The following PCDHA6 variants were observed in gnomAD, a reference collection of about 807,000 sequenced individuals.
PCDHA6 encodes protocadherin alpha-6.
In PCDHA6, 55 loss-of-function variants were observed where a neutral mutation model predicts 60.3. That is an observed-to-expected ratio of 0.91 (90% CI 0.73 to 1.14). PCDHA6 has a LOEUF of 1.14. Ranked by LOEUF, PCDHA6 falls within the 50% of genes most tolerant of loss-of-function variation. The pLI is 0.00. For synonymous variants in PCDHA6, 652 were observed against 557.9 expected, an observed-to-expected ratio of 1.17 and a Z score of -2.38; for missense variants, 1,327 against 1,256.5, an observed-to-expected ratio of 1.06 and a Z score of -0.85.
intron 1 of PCDHA6, among the ~76,000 whole-genome samples, chr5:140,902,660 C>A (rs1322922634): frequency 1.3e-5 from 2 of 152,116 alleles, no homozygotes; most frequent in Non-Finnish European, 2.9e-5. Flanking sequence ...GCACCTGTCA[C>A]CCAAGCAGTG....
intron 1 of PCDHA6, chr5:140,843,225 G>T: frequency 6.3e-7 from 1 of 1,596,120 alleles, no homozygotes; most frequent in East Asian, 2.2e-5. Flanking sequence ...AGCACCACTC[G>T]TGTCCTGGAC....
At position 140,992,156 on chromosome 5, in the gene PCDHA6, A is replaced by G. The variant is rs79603129; in HGVS notation, c.2542+9593A>G. On this transcript the variant is annotated intron_variant, in intron 3 of 3. Coordinates refer to ENST00000529310, the MANE Select transcript of PCDHA6 (RefSeq NM_018909.4). ...TGATGATGCTAACTTTGCTCAATCA[A>G]GAAGTGTGATCCATTTAAATCATGC... Among the ~76,000 whole-genome samples the G allele has an allele frequency of 2.1e-3, 313 of 152,232 alleles. 2 individuals carry two copies. The highest frequency in any genetic ancestry group is 3.8e-3 in the Non-Finnish European group (258 of 67,998).
At chr5:140,877,093 G>C in intron 1 of PCDHA6, 1 of 1,613,296 alleles carries the variant, frequency 6.2e-7, no homozygotes, top group Non-Finnish European at 8.5e-7. Context: ...GCGCGACGCC[G>C]GCGTGCCGCC....
At chr5:140,901,667 A>G (rs1319008143) in intron 1 of PCDHA6, among the ~76,000 whole-genome samples, 1 of 151,994 alleles carries the variant, frequency 6.6e-6, no homozygotes, top group Non-Finnish European at 1.5e-5. Context: ...TGCTCAAGAT[A>G]CCTTTAGGTA....
chr5:140,955,049 G>T (rs2095130069), intron 1 of PCDHA6, among the ~76,000 whole-genome samples: 1 of 152,130 alleles, frequency 6.6e-6, no homozygotes, highest in Admixed American at 6.6e-5. Context: ...CTCATTGCTT[G>T]TTTTTGTCAG....
chr5:140,881,757 A>G (rs1238055344), intron 1 of PCDHA6, among the ~76,000 whole-genome samples: 1 of 152,166 alleles, frequency 6.6e-6, no homozygotes, highest in Non-Finnish European at 1.5e-5. Flanking sequence ...TACCACAAAA[A>G]CCTACATGAC....
At chr5:140,939,766 C>T (rs58911992) in intron 1 of PCDHA6, among the ~76,000 whole-genome samples, 27,055 of 152,058 alleles carry the variant, frequency 0.18, 2,673 homozygotes, top group African/African-American at 0.26. Context: ...TATAGTATTT[C>T]AGGGTGTGAA....
intron 1 of PCDHA6, among the ~76,000 whole-genome samples, chr5:140,878,691 A>G (rs2057689901): frequency 6.6e-6 from 1 of 152,168 alleles, no homozygotes; most frequent in Non-Finnish European, 1.5e-5. Context: ...AGTCTTACAT[A>G]CCCCAGCCTG....
chr5:140,985,929 CG>C (rs2097179106), intron 3 of PCDHA6, among the ~76,000 whole-genome samples: 1 of 151,796 alleles, frequency 6.6e-6, no homozygotes, highest in Non-Finnish European at 1.5e-5. Flanking sequence ...TTAGTAGAGC[CG>C]GGGTTTCACT....
intron 1 of PCDHA6, chr5:140,848,888 A>C: frequency 6.4e-7 from 1 of 1,564,652 alleles, no homozygotes; most frequent in South Asian, 1.1e-5. Flanking sequence ...ACAACCCTCC[A>C]GTGTTCCCAG....
intron 3 of PCDHA6, chr5:140,988,926 A>C (rs562175503): frequency 6.6e-6 from 1 of 152,238 alleles, no homozygotes; most frequent in Non-Finnish European, 1.5e-5. Flanking sequence ...ATAGAACAAC[A>C]CTGTTCTCTT....
chr5:141,011,553 G>T lies in PCDHA6; in HGVS notation c.*1616G>T, dbSNP rs1191049531. The T allele has an allele frequency of 6.5e-6, 1 of 153,640 alleles. No homozygotes were observed. The highest frequency in any genetic ancestry group is 1.5e-5 in the Non-Finnish European group (1 of 68,008). The allele number at this position is 153,640 out of a possible 1,614,324, so 9.5% of individuals were successfully genotyped here. Reference sequence around the variant, plus strand: ...TGTTAATCAGCTTTTGTGTATGAAAGACACAGTAAAATTTCTTTCTTAAAT... The same window carrying T: ...TGTTAATCAGCTTTTGTGTATGAAATACACAGTAAAATTTCTTTCTTAAAT... On this transcript the variant is annotated 3_prime_UTR_variant, in exon 4 of 4. Transcript: ENST00000529310.
At chr5:140,977,703 A>G (rs1407162368) in intron 1 of PCDHA6, among the ~76,000 whole-genome samples, 1 of 152,192 alleles carries the variant, frequency 6.6e-6, no homozygotes, top group Non-Finnish European at 1.5e-5. Context: ...ATCTGTCTGA[A>G]TATTGAGATG....
At chr5:140,895,389 C>T (rs553681530) in intron 1 of PCDHA6, among the ~76,000 whole-genome samples, 1 of 152,098 alleles carries the variant, frequency 6.6e-6, no homozygotes, top group South Asian at 2.1e-4. Context: ...CTTCAATTCT[C>T]AACACCATCA....
At chr5:140,926,549 C>A in intron 1 of PCDHA6, 1 of 231,836 alleles carries the variant, frequency 4.3e-6, no homozygotes, top group Non-Finnish European at 8.2e-6. Flanking sequence ...GTGGTCGAGA[C>A]CCCAGCCCGC....
rs2150158039 is a variant in PCDHA6 at position 140,828,700 on chromosome 5, G to C, written c.609G>C (p.Glu203Asp). ...GLLLKKSLDR[E>D]EAPAHNLFLT... ...TATTAAAGAAATCCTTGGACAGAGA[G>C]GAAGCTCCTGCACACAACTTATTCC... Residue 203 changes from glutamate (E) to aspartate (D), a missense_variant, in exon 1 of 4, where the codon GAG (glutamate) becomes GAC (aspartate). Transcript: ENST00000529310. 6.2e-7 allele frequency: 1 copy of C among 1,614,210 alleles called. No homozygotes were observed. Among genetic ancestry groups the C allele is most frequent in the South Asian group, 1.1e-5 (1 of 91,090 alleles).
At chr5:140,924,187 G>A (rs1238020963) in intron 1 of PCDHA6, among the ~76,000 whole-genome samples, 1 of 152,220 alleles carries the variant, frequency 6.6e-6, no homozygotes, top group Non-Finnish European at 1.5e-5. Flanking sequence ...CAGAAAATTA[G>A]TTTTGGTTTA....
chr5:140,924,901 A>AAT (rs145282866), intron 1 of PCDHA6, among the ~76,000 whole-genome samples: 9,116 of 79,802 alleles, frequency 0.11, 381 homozygotes, highest in Middle Eastern at 0.21. Context: ...TCTCAAAAAA[A>AAT]AAAATAAAAT....
At chr5:140,918,971 T>C (rs1342049692) in intron 1 of PCDHA6, among the ~76,000 whole-genome samples, 3 of 152,234 alleles carry the variant, frequency 2.0e-5, no homozygotes, top group Admixed American at 6.5e-5. Flanking sequence ...AGATATCGTT[T>C]AGGTTAGTTG....
Sources: gnomAD v4.1 joint callset for allele counts (sites outside exome capture counted in the v4.1 genomes callset) on GRCh38, gnomAD v4.1.1 for gene constraint, MANE v1.5 for transcripts, NCBI Gene and HGNC (gene_info 2026-07-23, HGNC 2026-07-21) for gene names.